Variants in EYS observed in about 807,000 individuals in gnomAD.
EYS encodes protein eyes shut homolog.
Under a neutral mutation model 282.1 loss-of-function variants are expected in EYS, and 250 were observed. That is an observed-to-expected ratio of 0.89 (90% CI 0.80 to 0.98). EYS has a LOEUF of 0.98. Ranked by LOEUF, EYS falls within the 50% of genes least tolerant of loss-of-function variation. EYS has a pLI of 0.00. For synonymous variants in EYS, 1,355 were observed against 1,282.9 expected (o/e 1.06, Z -1.20); for missense variants, 4,016 against 3,709.0 (o/e 1.08, Z -2.15).
At chr6:65,056,471 A>T (rs1027438503) in intron 13 of EYS, among the ~76,000 whole-genome samples, 1 of 152,058 alleles carries the variant, frequency 6.6e-6, no homozygotes, top group African/African-American at 2.4e-5. Context: ...ATGCACCTGT[A>T]GTCCTATCTA....
intron 24 of EYS, among the ~76,000 whole-genome samples, chr6:64,607,546 A>T (rs1766975366): frequency 6.6e-6 from 1 of 152,062 alleles, no homozygotes. Flanking sequence ...CCCAATCATG[A>T]GTACTTCACC....
chr6:64,696,983 A>G (rs963536161), intron 22 of EYS, among the ~76,000 whole-genome samples: 2 of 152,200 alleles, frequency 1.3e-5, no homozygotes, highest in Non-Finnish European at 2.9e-5. Context: ...CCACAGACAA[A>G]CAGAGGAAAA....
chr6:64,092,633 A>T (rs1397780086), intron 31 of EYS, among the ~76,000 whole-genome samples: 1 of 151,960 alleles, frequency 6.6e-6, no homozygotes, highest in East Asian at 1.9e-4. Flanking sequence ...GTTTGAGTAC[A>T]TTGTAGATTC....
chr6:64,341,998 T>A lies in EYS; in HGVS notation c.6079-34916A>T, dbSNP rs147658356. 4.8e-3 allele frequency among the ~76,000 whole-genome samples: 730 copies of A among 151,706 alleles called. 7 individuals are homozygous for A. The highest frequency in any genetic ancestry group is 0.017 in the African/African-American group (693 of 41,454). ...GTAAACCATAAAATATGGTTACTTA[T>A]AAGAGGAGGAGGGAAATGGGTGGAG... On this transcript the variant is annotated intron_variant, in intron 29 of 42. Transcript: ENST00000503581.
rs138447983 is a variant in EYS, at chr6:64,314,194, C to CAAAAAAAAAAA, written c.6079-7123_6079-7113dup. ...GAAGATTTACTAAACAAATGGAAAG[C>CAAAAAAAAAAA]AAAAAAAAAAAAAAAAAAAAAAAAG... On this transcript the variant is annotated intron_variant, in intron 29 of 42. Coordinates refer to ENST00000503581, the MANE Select transcript of EYS (RefSeq NM_001142800.2). Among the ~76,000 whole-genome samples, 24 of 27,664 alleles carry CAAAAAAAAAAA rather than the reference C, an allele frequency of 8.7e-4. 1 individual carries two copies. The highest frequency in any genetic ancestry group is 1.2e-3 in the African/African-American group (8 of 6,476). The allele number at this position is 27,664 out of a possible 152,430, so 18.1% of individuals were successfully genotyped here.
chr6:64,792,221 C>T (rs1774213427), intron 22 of EYS, among the ~76,000 whole-genome samples: 7 of 151,812 alleles, frequency 4.6e-5, no homozygotes, highest in Admixed American at 4.6e-4. Context: ...CAAATTATTT[C>T]CTATTAACTT....
intron 12 of EYS, among the ~76,000 whole-genome samples, chr6:65,249,927 C>T (rs927048698): frequency 7.9e-5 from 12 of 151,966 alleles, no homozygotes; most frequent in Non-Finnish European, 1.5e-4. Context: ...GGTTTCAATA[C>T]TTGTGTTGTT....
In EYS at chr6:65,647,063, C is replaced by A. The variant is rs369482074; in HGVS notation, c.-447-7171G>T. ...TCCATGCTCATCTCATGGGTAGAAT[C>A]GAAATCATGAAAATGACCATACTGC... is the stretch of plus-strand genomic sequence containing the variant. On this transcript the variant is annotated intron_variant, in intron 1 of 42. Coordinates refer to ENST00000503581, the MANE Select transcript of EYS (RefSeq NM_001142800.2). Among the ~76,000 whole-genome samples the A allele has an allele frequency of 7.2e-5, 11 of 152,128 alleles. No homozygotes were observed. The East Asian group carries it at 9.7e-4, about 13-fold the overall frequency.
intron 16 of EYS, among the ~76,000 whole-genome samples, chr6:64,910,054 G>A (rs1229035255): frequency 2.0e-5 from 3 of 152,064 alleles, no homozygotes; most frequent in African/African-American, 7.2e-5. Context: ...TGAATCCTTA[G>A]CCTAAAGCCT....
At chr6:64,134,615 G>C (rs116294310) in intron 31 of EYS, among the ~76,000 whole-genome samples, 2,943 of 152,148 alleles carry the variant, frequency 0.019, 82 homozygotes, top group African/African-American at 0.066. Context: ...ATGTAGATAT[G>C]AAGAATGTTG....
chr6:63,956,407 A>G (rs1303039885), intron 35 of EYS, among the ~76,000 whole-genome samples: 2 of 151,832 alleles, frequency 1.3e-5, no homozygotes, highest in Admixed American at 6.6e-5. Flanking sequence ...GCCCACCTCT[A>G]TCTCCCTTCT....
At chr6:64,434,829 A>G (rs1035601443) in intron 28 of EYS, among the ~76,000 whole-genome samples, 8 of 152,074 alleles carry the variant, frequency 5.3e-5, no homozygotes, top group Non-Finnish European at 1.0e-4. Flanking sequence ...TTTTTTAAAA[A>G]TGTATTTTTT....
chr6:63,899,486 TAACTTTCTTTTTC>T (rs1341347116), intron 35 of EYS, among the ~76,000 whole-genome samples: 3 of 152,166 alleles, frequency 2.0e-5, no homozygotes, highest in African/African-American at 7.2e-5. Context: ...CCTTCATTTT[TAACTTTCTTTTTC>T]ACAACTCCTT....
chr6:65,618,084 G>A (rs369307758), intron 2 of EYS, among the ~76,000 whole-genome samples: 3 of 152,204 alleles, frequency 2.0e-5, no homozygotes, highest in South Asian at 4.2e-4. Context: ...GGGATGGCTG[G>A]GTCAAATGGT....
intron 2 of EYS, among the ~76,000 whole-genome samples, chr6:65,544,705 C>T (rs1268110761): frequency 2.6e-5 from 4 of 152,020 alleles, no homozygotes; most frequent in Non-Finnish European, 5.9e-5. Flanking sequence ...CTAACATGTG[C>T]TGAGTAAAAT....
intron 14 of EYS, among the ~76,000 whole-genome samples, chr6:64,957,835 A>G (rs572466820): frequency 1.3e-5 from 2 of 152,188 alleles, no homozygotes; most frequent in Non-Finnish European, 2.9e-5. Context: ...ACAGCAAAAC[A>G]GAGACAAATA....
chr6:65,141,512 T>C (rs1236842673), intron 12 of EYS, among the ~76,000 whole-genome samples: 1 of 151,704 alleles, frequency 6.6e-6, no homozygotes, highest in African/African-American at 2.4e-5. Context: ...AAAACAAAAT[T>C]TCTAAATCTG....
intron 12 of EYS, among the ~76,000 whole-genome samples, chr6:65,151,661 C>T (rs954641119): frequency 3.9e-5 from 6 of 151,900 alleles, no homozygotes; most frequent in Non-Finnish European, 7.4e-5. Flanking sequence ...TTCATTCTAA[C>T]GTGCTATTTT....
intron 1 of EYS, among the ~76,000 whole-genome samples, chr6:65,683,893 C>A (rs999951037): frequency 6.6e-6 from 1 of 152,004 alleles, no homozygotes; most frequent in East Asian, 1.9e-4. Flanking sequence ...TTAAATAGAA[C>A]CAGTGCAAAT....
Sources: allele counts gnomAD v4.1 joint callset (sites outside exome capture counted in the v4.1 genomes callset), GRCh38; gene constraint gnomAD v4.1.1; transcripts MANE v1.5; gene names NCBI Gene and HGNC (gene_info 2026-07-23, HGNC 2026-07-21).